CUL2: variants seen among roughly 807,000 people sequenced by gnomAD.
CUL2 encodes cullin-2.
A neutral mutation model predicts 110.2 loss-of-function variants in CUL2; 22 were observed. That is an observed-to-expected ratio of 0.20 (90% CI 0.14 to 0.28). The LOEUF is 0.28. Among genes scored for constraint, CUL2 ranks in the 10% least tolerant of loss-of-function variants. CUL2 has a pLI of 1.00. For synonymous variants in CUL2, 279 were observed against 293.2 expected, an observed-to-expected ratio of 0.95 and a Z score of 0.49; for missense variants, 631 against 905.5, an observed-to-expected ratio of 0.70 and a Z score of 3.89.
At position 35,032,441 on chromosome 10, in the gene CUL2, A is replaced by T. The variant is rs374809071; in HGVS notation, c.1164T>A (p.Pro388=). The T allele has an allele frequency of 1.0e-4, 162 of 1,594,322 alleles. No homozygotes were observed. Among genetic ancestry groups the T allele is most frequent in the Non-Finnish European group, 1.3e-4 (151 of 1,173,884 alleles). Residue 388 remains proline (P), a synonymous_variant, in exon 12 of 21, where the codon CCT becomes CCA. Coordinates refer to ENST00000374749, the MANE Select transcript of CUL2 (RefSeq NM_003591.4). ...CAGCAACCACCAAACTTACCAGTTCAGGTGCTTTGCAAACAGACTTAGGTT... is the reference window on the plus strand; with the variant it reads ...CAGCAACCACCAAACTTACCAGTTCTGGTGCTTTGCAAACAGACTTAGGTT... ...YREPKSVCKA[P]ELLAKYCDNL...
chr10:35,091,648 T>A (rs2087206031), upstream of CUL2, among the ~76,000 whole-genome samples: 1 of 152,040 alleles, frequency 6.6e-6, no homozygotes, highest in Middle Eastern at 3.2e-3. Context: ...TACAGAGTCT[T>A]GCTCTGTCAC....
At chr10:35,114,696 A>T (rs983743432) in intron 1 of CUL2, among the ~76,000 whole-genome samples, 4 of 152,188 alleles carry the variant, frequency 2.6e-5, no homozygotes, top group African/African-American at 9.6e-5. Flanking sequence ...ACAAGTTTTT[A>T]AAAATAGATT....
At chr10:35,038,297 G>A (rs564061916) in intron 9 of CUL2, among the ~76,000 whole-genome samples, 1 of 151,550 alleles carries the variant, frequency 6.6e-6, no homozygotes, top group East Asian at 1.9e-4. Context: ...AGGCTGAGGC[G>A]GGCGGACCAC....
chr10:35,096,743 T>G (rs1044465995), intron 2 of CUL2, among the ~76,000 whole-genome samples: 1 of 151,982 alleles, frequency 6.6e-6, no homozygotes, highest in South Asian at 2.1e-4. Context: ...ACAGATGGTG[T>G]TGTTTGCTGA....
At chr10:35,033,386 A>C (rs2085527592) in intron 10 of CUL2, 113 bp from the exon 11 acceptor site, 1 of 674,618 alleles carries the variant, frequency 1.5e-6, no homozygotes, top group Admixed American at 2.7e-5. Context: ...TATGTTTCAC[A>C]CATGCACACT....
At chr10:35,124,360 T>C (rs1022066988) in intron 1 of CUL2, among the ~76,000 whole-genome samples, 16 of 151,982 alleles carry the variant, frequency 1.1e-4, no homozygotes, top group Admixed American at 9.8e-4. Flanking sequence ...GGTGGAAGGA[T>C]TGCTTAAGCC....
intron 20 of CUL2, among the ~76,000 whole-genome samples, 181 bp from the exon 21 acceptor site, chr10:35,010,623 T>C (rs1366478338): frequency 6.6e-6 from 1 of 152,186 alleles, no homozygotes; most frequent in East Asian, 1.9e-4. Context: ...TAATGATACA[T>C]AATTAAGTGA....
intron 10 of CUL2, among the ~76,000 whole-genome samples, chr10:35,034,145 G>T (rs2134736301): frequency 6.6e-6 from 1 of 152,336 alleles, no homozygotes; most frequent in African/African-American, 2.4e-5. Flanking sequence ...AACTAAGTCA[G>T]TTGGATTTGA....
chr10:35,067,484 T>C (rs369254229), intron 2 of CUL2, among the ~76,000 whole-genome samples: 12 of 152,174 alleles, frequency 7.9e-5, no homozygotes, highest in Admixed American at 5.2e-4. Context: ...TCACAGTGGC[T>C]CATACCTATA....
At chr10:35,023,951 C>T (rs1391368074) in intron 17 of CUL2, among the ~76,000 whole-genome samples, 4 of 152,158 alleles carry the variant, frequency 2.6e-5, no homozygotes, top group African/African-American at 9.7e-5. Context: ...CCTCCCATCT[C>T]AGCCTCTCGA....
intron 4 of CUL2, among the ~76,000 whole-genome samples, chr10:35,055,791 T>C (rs1301195436): frequency 8.5e-5 from 13 of 152,336 alleles, no homozygotes; most frequent in Middle Eastern, 3.4e-3. Flanking sequence ...CTATCCTCAC[T>C]GTAACTCTCA....
chr10:35,110,961 T>G lies in CUL2; in HGVS notation c.-50-9901A>C, dbSNP rs529881212. On this transcript the variant is annotated intron_variant, in intron 1 of 5. Transcript: ENST00000685421. ...CCATAACAGAAGTCAAGAATGGAAG[T>G]AGCAAGATCAGTTAGGATACTACTG... 7.2e-5 allele frequency among the ~76,000 whole-genome samples: 11 copies of G among 152,284 alleles called. No individual in the cohort carries two copies. In the South Asian group the frequency reaches 2.3e-3, roughly 32 times the overall value.
chr10:35,032,752 C>T (rs1486255698), intron 11 of CUL2, among the ~76,000 whole-genome samples: 3 of 151,894 alleles, frequency 2.0e-5, no homozygotes, highest in Non-Finnish European at 4.4e-5. Context: ...GATAAAATAA[C>T]GTTACTTAAA....
chr10:35,070,831 C>A (rs548569059), intron 2 of CUL2, among the ~76,000 whole-genome samples: 2 of 152,294 alleles, frequency 1.3e-5, no homozygotes, highest in East Asian at 1.9e-4. Context: ...AAGCCTCCCC[C>A]ACGTCCTTAT....
chr10:35,023,314 G>A (rs541873662), intron 17 of CUL2, among the ~76,000 whole-genome samples: 4 of 151,974 alleles, frequency 2.6e-5, no homozygotes, highest in South Asian at 2.1e-4. Context: ...CAGTACCTTC[G>A]GTGACTCAAA....
At chr10:35,077,601 T>G (rs1191986526) in intron 1 of CUL2, among the ~76,000 whole-genome samples, 2 of 151,848 alleles carry the variant, frequency 1.3e-5, no homozygotes, top group African/African-American at 4.8e-5. Flanking sequence ...GCGCATTACC[T>G]GAGGTCACGA....
intron 5 of CUL2, among the ~76,000 whole-genome samples, chr10:35,054,137 A>C (rs1303487323): frequency 6.6e-6 from 1 of 152,156 alleles, no homozygotes; most frequent in African/African-American, 2.4e-5. Flanking sequence ...TGTCCCCTGC[A>C]CTTTTTAACT....
intron 1 of CUL2, among the ~76,000 whole-genome samples, chr10:35,084,723 T>A (rs1564746790): frequency 2.0e-5 from 3 of 152,170 alleles, no homozygotes; most frequent in African/African-American, 4.8e-5. Context: ...TCTCATAACA[T>A]TCCAAATCGC....
At chr10:35,074,949 C>T (rs998253020) in intron 1 of CUL2, among the ~76,000 whole-genome samples, 2 of 152,158 alleles carry the variant, frequency 1.3e-5, no homozygotes, top group African/African-American at 2.4e-5. Flanking sequence ...TCTGTAACTG[C>T]GTACCAAAAA....
Sources: gnomAD v4.1 joint callset for allele counts (sites outside exome capture counted in the v4.1 genomes callset) on GRCh38, gnomAD v4.1.1 for gene constraint, MANE v1.5 for transcripts, NCBI Gene and HGNC (gene_info 2026-07-23, HGNC 2026-07-21) for gene names.